Variants in ROBO2 observed in about 807,000 individuals in gnomAD.
ROBO2 encodes the protein roundabout homolog 2.
ROBO2 carries 53 observed loss-of-function variants against 160.8 expected under a neutral mutation model. The ratio of observed to expected loss-of-function variants is 0.33; its 90% CI spans 0.26 to 0.41. The LOEUF (loss-of-function observed/expected upper bound fraction) is 0.41. Ranked by LOEUF, ROBO2 falls within the 10% of genes least tolerant of loss-of-function variation. The probability of loss-of-function intolerance (pLI) is 1.00; values close to 1 mark genes in which losing one functional copy is unlikely to be tolerated. For missense variants in ROBO2, 1,577 were observed against 1,722.4 expected, an observed-to-expected ratio of 0.92 and a Z score of 1.49; for synonymous variants, 664 against 611.7, an observed-to-expected ratio of 1.09 and a Z score of -1.26.
At chr3:77,516,411 T>C (rs978060662) in intron 5 of ROBO2, among the ~76,000 whole-genome samples, 2 of 151,636 alleles carry the variant, frequency 1.3e-5, no homozygotes, top group African/African-American at 4.8e-5. Flanking sequence ...TATTTTATTT[T>C]CATAAGACAT....
At chr3:76,268,126 C>G (rs886108073) in intron 2 of ROBO2, among the ~76,000 whole-genome samples, 1 of 152,054 alleles carries the variant, frequency 6.6e-6, no homozygotes, top group African/African-American at 2.4e-5. Context: ...ATAAATTATC[C>G]AAGGAAGGTG....
chr3:77,368,622 A>T (rs998743274), intron 2 of ROBO2, among the ~76,000 whole-genome samples: 3 of 152,218 alleles, frequency 2.0e-5, no homozygotes, highest in Non-Finnish European at 4.4e-5. Context: ...TAATATGCCC[A>T]CTTCAGGTGC....
chr3:76,840,408 G>A (rs1298641716), intron 2 of ROBO2, among the ~76,000 whole-genome samples: 1 of 151,418 alleles, frequency 6.6e-6, no homozygotes, highest in Non-Finnish European at 1.5e-5. Flanking sequence ...AGGAGATTGA[G>A]ACCATCCTGG....
intron 2 of ROBO2, among the ~76,000 whole-genome samples, chr3:76,938,771 A>G (rs2077929801): frequency 6.6e-6 from 1 of 152,092 alleles, no homozygotes; most frequent in African/African-American, 2.4e-5. Flanking sequence ...GGAGATAAAG[A>G]TCAGCCTGAC....
rs2068667108 is a variant in ROBO2 at position 77,353,687 on chromosome 3, T to G, written c.389-123727T>G. 2.6e-5 allele frequency among the ~76,000 whole-genome samples: 4 copies of G among 152,156 alleles called. No homozygotes were observed. In the South Asian group the frequency reaches 8.3e-4, roughly 32 times the overall value. On this transcript the variant is annotated intron_variant, in intron 2 of 25. Coordinates refer to ENST00000461745, the Ensembl canonical transcript of ROBO2. ...CACCATGCCCGGCTAATTTTTGTAC[T>G]TTTAGTAGAGATGGGGTTTCACCAT...
chr3:77,293,273 G>A (rs1428030124), intron 2 of ROBO2, among the ~76,000 whole-genome samples: 1 of 151,558 alleles, frequency 6.6e-6, no homozygotes, highest in African/African-American at 2.4e-5. Flanking sequence ...GGTAAGCTGA[G>A]GCTAGATCAC....
intron 2 of ROBO2, among the ~76,000 whole-genome samples, chr3:76,272,068 TAA>T (rs1707466354): frequency 6.6e-6 from 1 of 152,194 alleles, no homozygotes; most frequent in African/African-American, 2.4e-5. Flanking sequence ...TCTATAAATA[TAA>T]GTGTTTCCAA....
chr3:76,674,750 G>A (rs971456352), intron 2 of ROBO2, among the ~76,000 whole-genome samples: 41 of 152,238 alleles, frequency 2.7e-4, no homozygotes, highest in Middle Eastern at 3.4e-3. Flanking sequence ...TTCTGTCTGC[G>A]TTTCTAACGT....
chr3:77,205,577 A>G (rs959759686), intron 2 of ROBO2, among the ~76,000 whole-genome samples: 3 of 152,058 alleles, frequency 2.0e-5, no homozygotes, highest in Non-Finnish European at 2.9e-5. Context: ...TATTCCCCCT[A>G]AGGGCAGCAG....
chr3:76,623,267 A>C (rs1401999447), intron 2 of ROBO2, among the ~76,000 whole-genome samples: 1 of 152,174 alleles, frequency 6.6e-6, no homozygotes, highest in Admixed American at 6.5e-5. Flanking sequence ...CCAGGTAGCT[A>C]AGAACAGAAG....
At chr3:77,614,992 T>C (rs542283867) in intron 21 of ROBO2, among the ~76,000 whole-genome samples, 3 of 152,098 alleles carry the variant, frequency 2.0e-5, no homozygotes, top group South Asian at 4.1e-4. Flanking sequence ...AAAATGTTCC[T>C]TTTACTGGTG....
exon 3 of ROBO2, chr3:77,477,499 G>C: frequency 6.2e-7 from 1 of 1,613,960 alleles, no homozygotes; most frequent in Non-Finnish European, 8.5e-7. Context: ...AGCCTCCCCG[G>C]GGACACCCAG....
intron 2 of ROBO2, among the ~76,000 whole-genome samples, chr3:77,442,985 T>C (rs772341623): frequency 2.0e-5 from 3 of 152,158 alleles, no homozygotes; most frequent in Non-Finnish European, 4.4e-5. Context: ...TATGATGGGA[T>C]TGGAATATAA....
At chr3:77,267,147 A>T (rs974590378) in intron 2 of ROBO2, among the ~76,000 whole-genome samples, 19 of 152,208 alleles carry the variant, frequency 1.2e-4, no homozygotes, top group African/African-American at 3.9e-4. Context: ...TAACTATTGA[A>T]TGTACACAAA....
intron 2 of ROBO2, among the ~76,000 whole-genome samples, chr3:76,323,606 G>A (rs990572799): frequency 2.0e-4 from 31 of 152,108 alleles, no homozygotes; most frequent in Middle Eastern, 3.4e-3. Context: ...GGAGAGTATC[G>A]TTTCCAGATC....
chr3:75,925,515 T>A (rs574022357), intron 1 of ROBO2, among the ~76,000 whole-genome samples: 3 of 152,310 alleles, frequency 2.0e-5, no homozygotes, highest in African/African-American at 7.2e-5. Context: ...AATAACCTGA[T>A]ACTCTTTCTG....
At chr3:77,184,807 G>C (rs181156644) in intron 2 of ROBO2, among the ~76,000 whole-genome samples, 2 of 151,992 alleles carry the variant, frequency 1.3e-5, no homozygotes, top group East Asian at 1.9e-4. Flanking sequence ...AATGTGCTGC[G>C]TCTTTTATGT....
chr3:76,637,811 C>T (rs2090423512), intron 2 of ROBO2, among the ~76,000 whole-genome samples: 1 of 152,028 alleles, frequency 6.6e-6, no homozygotes, highest in Non-Finnish European at 1.5e-5. Flanking sequence ...AGCTTTTGTC[C>T]TCATAAAAGC....
At chr3:75,981,887 A>G (rs1232411483) in intron 2 of ROBO2, among the ~76,000 whole-genome samples, 1 of 149,758 alleles carries the variant, frequency 6.7e-6, no homozygotes, top group Non-Finnish European at 1.5e-5. Flanking sequence ...TTTACCTATT[A>G]ACAATCTCCA....
Sources: gnomAD v4.1 joint callset for allele counts (sites outside exome capture counted in the v4.1 genomes callset) on GRCh38, gnomAD v4.1.1 for gene constraint, MANE v1.5 for transcripts, NCBI Gene and HGNC (gene_info 2026-07-23, HGNC 2026-07-21) for gene names.